MYLK: variants seen among roughly 807,000 people sequenced by gnomAD.
MYLK encodes the protein myosin light chain kinase.
A neutral mutation model predicts 203.4 loss-of-function variants in MYLK; 106 were observed. The ratio of observed to expected loss-of-function variants is 0.52; its 90% CI spans 0.45 to 0.61. The LOEUF is 0.61. Among genes scored for constraint, MYLK ranks in the 20% least tolerant of loss-of-function variants. The probability of loss-of-function intolerance (pLI) is 0.00; values close to 1 mark genes in which losing one functional copy is unlikely to be tolerated. For missense variants in MYLK, 2,072 were observed against 2,442.3 expected (o/e 0.85, Z 3.20); for synonymous variants, 867 against 959.5 (o/e 0.90, Z 1.78).
At chr3:123,644,109 G>A (rs748079224) in intron 27 of MYLK, among the ~76,000 whole-genome samples, 6 of 152,208 alleles carry the variant, frequency 3.9e-5, no homozygotes, top group Non-Finnish European at 8.8e-5. Flanking sequence ...TAGATCTGAA[G>A]CAACTGGACT....
chr3:123,642,284 C>T lies in MYLK; in HGVS notation c.4620-1780G>A, dbSNP rs965217149. Among the ~76,000 whole-genome samples the T allele has an allele frequency of 6.6e-6, 1 of 151,550 alleles. No homozygotes were observed. The highest frequency in any genetic ancestry group is 6.6e-5 in the Admixed American group (1 of 15,246). ...CTGAGTCCCAGTTTCCTTATCTATC[C>T]CTGCCTCATAGAGTTTTTAGGAATG... is the stretch of plus-strand genomic sequence containing the variant. On this transcript the variant is annotated intron_variant, in intron 27 of 33. Transcript: ENST00000360304. This position sits in a 1 kb window ranked among gnomAD's most constrained non-coding sequence, Gnocchi z 4.2.
intron 24 of MYLK, among the ~76,000 whole-genome samples, chr3:123,652,800 C>T (rs921223797): frequency 6.6e-6 from 1 of 152,068 alleles, no homozygotes. Context: ...TGGGAGGGAG[C>T]GGGGCTGTGG....
Position 123,739,028 on chromosome 3 carries a change from G to A in MYLK, c.457C>T (p.Pro153Ser), listed in dbSNP as rs2062774702. 1.2e-6 allele frequency: 2 copies of A among 1,613,884 alleles called. No homozygotes were observed. Among genetic ancestry groups the A allele is most frequent in the Middle Eastern group, 1.6e-4 (1 of 6,062 alleles). ...RFSAPAVETR[P>S]SIWGECPPKF... Reference sequence around the variant, plus strand: ...GGTGGGCACTCCCCCCAGATGCTAGGACGGGTCTCCACTGCTGGAGCTGAA... The same window carrying A: ...GGTGGGCACTCCCCCCAGATGCTAGAACGGGTCTCCACTGCTGGAGCTGAA... Residue 153 changes from proline to serine, a missense_variant, in exon 7 of 34, where the codon CCT becomes TCT. By Grantham distance (74) the Pro-to-Ser change is moderately conservative. Around this residue, in one of 3 missense-constraint regions of MYLK, gnomAD observed 683 missense variants for 643.8 expected, o/e 1.06. Transcript: ENST00000360304.
intron 3 of MYLK, among the ~76,000 whole-genome samples, chr3:123,807,741 T>C (rs1304063777): frequency 6.6e-6 from 1 of 152,292 alleles, no homozygotes; most frequent in African/African-American, 2.4e-5. Flanking sequence ...GTTCCCAGAA[T>C]GTAGTTAGAG....
chr3:123,855,708 C>G (rs1248146608), intron 2 of MYLK, among the ~76,000 whole-genome samples: 4 of 151,804 alleles, frequency 2.6e-5, no homozygotes, highest in Admixed American at 2.6e-4. Context: ...AGAAGGAGAT[C>G]ATCTGTGAAT....
intron 4 of MYLK, among the ~76,000 whole-genome samples, chr3:123,761,541 ACAAGTGGCAGAC>A (rs1426244225): frequency 6.6e-6 from 1 of 152,132 alleles, no homozygotes; most frequent in Non-Finnish European, 1.5e-5. Flanking sequence ...AATACCTGGC[ACAAGTGGCAGAC>A]AGCAGCCTCA....
intron 2 of MYLK, among the ~76,000 whole-genome samples, chr3:123,858,754 G>A (rs1316651467): frequency 6.6e-6 from 1 of 151,906 alleles, no homozygotes; most frequent in Non-Finnish European, 1.5e-5. Context: ...CCCACCAAAG[G>A]CCCCACCTCT....
At position 123,716,819 on chromosome 3, in the gene MYLK, G is replaced by A. The variant is rs569748290; in HGVS notation, c.1804+5309C>T. Among the ~76,000 whole-genome samples the A allele has an allele frequency of 3.3e-5, 5 of 152,192 alleles. No individual in the cohort carries two copies. In the South Asian group the frequency reaches 1.0e-3, roughly 32 times the overall value. On this transcript the variant is annotated intron_variant, in intron 13 of 33. Transcript: ENST00000360304. ...TGGAGAGTTATAAAGCTCTATAATGGCCCTATTAGTAAAATGAGGCTCAAA... is the reference window on the plus strand; with the variant it reads ...TGGAGAGTTATAAAGCTCTATAATGACCCTATTAGTAAAATGAGGCTCAAA...
At chr3:123,719,174 C>T (rs1193125375) in intron 13 of MYLK, among the ~76,000 whole-genome samples, 17 of 152,162 alleles carry the variant, frequency 1.1e-4, no homozygotes, top group Admixed American at 1.0e-3. Flanking sequence ...AGAAAGAGCC[C>T]CTGCATCTGG....
At chr3:123,808,470 CA>C (rs1021239974) in intron 3 of MYLK, among the ~76,000 whole-genome samples, 4 of 152,076 alleles carry the variant, frequency 2.6e-5, no homozygotes, top group Admixed American at 6.5e-5. Context: ...ATATTACAAC[CA>C]AAAAATTCAG....
chr3:123,854,399 A>G (rs1047685537), intron 2 of MYLK, among the ~76,000 whole-genome samples: 2 of 152,018 alleles, frequency 1.3e-5, no homozygotes, highest in African/African-American at 2.4e-5. Flanking sequence ...CCATCTTGCT[A>G]TTGTTGCCTA....
chr3:123,807,098 A>G (rs748576889), intron 3 of MYLK, among the ~76,000 whole-genome samples: 3 of 152,148 alleles, frequency 2.0e-5, no homozygotes, highest in African/African-American at 7.2e-5. Context: ...TTCAAATCCA[A>G]CTTGGCAACA....
intron 32 of MYLK, 38 bp from the exon 33 acceptor site, chr3:123,618,808 T>G (rs201837803): frequency 4.2e-5 from 67 of 1,613,100 alleles, no homozygotes; most frequent in Non-Finnish European, 4.2e-5. Context: ...ATTTCTTCAC[T>G]CGTTGTTCTC....
chr3:123,640,373 A>C lies in MYLK; in HGVS notation c.4751T>G (p.Leu1584Arg), dbSNP rs2108110830. ...CATGATGTTCTCCGGCTTGAGGTCC[A>C]GGTGCACGATGCCCTGCTTGTGGAT... ...EYIHKQGIVH[L>R]DLKPENIMCV... The change falls in exon 28 of 34, where the codon CTG becomes CGG. Residue 1584 changes from leucine (L) to arginine (R), a missense_variant. Physicochemically the swap from Leu to Arg is moderately radical, Grantham distance 102 (BLOSUM62 -2). Coordinates refer to ENST00000360304, the MANE Select transcript of MYLK (RefSeq NM_053025.4). The surrounding 1 kb of genome is among the most constrained non-coding windows in gnomAD (Gnocchi z 4.3). 6.2e-7 allele frequency: 1 copy of C among 1,613,944 alleles called. No homozygotes were observed. The highest frequency in any genetic ancestry group is 8.5e-7 in the Non-Finnish European group (1 of 1,180,010).
chr3:123,812,766 T>C (rs2065604481), intron 3 of MYLK, among the ~76,000 whole-genome samples: 1 of 152,208 alleles, frequency 6.6e-6, no homozygotes, highest in Non-Finnish European at 1.5e-5. Flanking sequence ...GCTTCTCCGT[T>C]GACTGGGGGC....
chr3:123,786,518 G>A (rs2064532116), intron 4 of MYLK, among the ~76,000 whole-genome samples: 1 of 123,150 alleles, frequency 8.1e-6, no homozygotes, highest in African/African-American at 3.0e-5. Flanking sequence ...GGTAGTGGGA[G>A]GGTGGGGGTG....
intron 2 of MYLK, among the ~76,000 whole-genome samples, chr3:123,864,108 T>C (rs1360406888): frequency 6.6e-6 from 1 of 152,212 alleles, no homozygotes; most frequent in Non-Finnish European, 1.5e-5. Flanking sequence ...ATATATACCA[T>C]ACAATTTCAT....
At position 123,725,802 on chromosome 3, in the gene MYLK, G is replaced by A. The variant is rs573348911; in HGVS notation, c.1651+142C>T. ...AGTCGGGAGCAGGATCCCAGTGCCC[G>A]TGCTCTCTTTGTGCCCTGTGCTTCC... On this transcript the variant is annotated intron_variant, in intron 12 of 33. Coordinates refer to ENST00000360304, the MANE Select transcript of MYLK (RefSeq NM_053025.4). 207 of 1,254,108 alleles carry A rather than the reference G, an allele frequency of 1.7e-4. 1 individual carries two copies. In the East Asian group the frequency reaches 4.0e-3, roughly 24 times the overall value. 77.7% of individuals were successfully genotyped at this position (1,254,108 alleles called of 1,614,324 possible).
chr3:123,825,136 C>T (rs139996795), intron 3 of MYLK, among the ~76,000 whole-genome samples: 1 of 147,006 alleles, frequency 6.8e-6, no homozygotes, highest in Non-Finnish European at 1.5e-5. Context: ...CAGAGCAACA[C>T]CCTGTCTCAA....
Sources: gnomAD v4.1 joint callset for allele counts (sites outside exome capture counted in the v4.1 genomes callset) on GRCh38, gnomAD v4.1.1 for gene constraint, gnomAD v4.1.1 regional missense constraint, Gnocchi (gnomAD v3.1) non-coding constraint, MANE v1.5 for transcripts, NCBI Gene and HGNC (gene_info 2026-07-23, HGNC 2026-07-21) for gene names.